Variants in PANX1 observed in about 807,000 individuals in gnomAD.
PANX1 encodes the protein pannexin-1.
Under a neutral mutation model 38.7 loss-of-function variants are expected in PANX1, and 30 were observed. The observed-to-expected ratio is 0.78, with a 90% CI of 0.58 to 1.05. The LOEUF is 1.05. PANX1 is among the 50% of genes least tolerant of loss of function. The pLI, the probability that PANX1 is intolerant of heterozygous loss-of-function variation, is 0.00. For synonymous variants in PANX1, 230 were observed against 212.2 expected (o/e 1.08, Z -0.73); for missense variants, 551 against 517.2 (o/e 1.07, Z -0.63).
intron 1 of PANX1, among the ~76,000 whole-genome samples, chr11:94,149,265 C>T (rs1357247553): frequency 1.3e-5 from 2 of 152,172 alleles, no homozygotes; most frequent in African/African-American, 4.8e-5. Context: ...GCTTGCTCAC[C>T]CCAGCCCCAG....
chr11:94,153,593 A>G lies in PANX1; in HGVS notation c.284A>G (p.Gln95Arg). Residue 95 changes from glutamine to arginine, a missense_variant, in exon 2 of 5, where the codon CAG becomes CGG. Gln to Arg is a conservative substitution (Grantham distance 43). Coordinates refer to ENST00000227638, the MANE Select transcript of PANX1 (RefSeq NM_015368.4). ...GCTGTTCAGCAGAAGAACTCACTGC[A>G]GAGCGAGTCTGGAAACCTCCCACTG... ...WAAVQQKNSLQSESGNLPLWL... is the reference protein window; with the variant it reads ...WAAVQQKNSLRSESGNLPLWL... The G allele has an allele frequency of 6.2e-7, 1 of 1,614,020 alleles. No individual in the cohort carries two copies. Among genetic ancestry groups the G allele is most frequent in the Non-Finnish European group, 8.5e-7 (1 of 1,179,908 alleles).
At chr11:94,159,724 T>G (rs1477345815) in intron 2 of PANX1, among the ~76,000 whole-genome samples, 1 of 152,030 alleles carries the variant, frequency 6.6e-6, no homozygotes, top group African/African-American at 2.4e-5. Context: ...TGTCTCTATT[T>G]CCTTCAGTTC....
chr11:94,131,141 A>G (rs1946625358), intron 1 of PANX1, among the ~76,000 whole-genome samples: 1 of 152,048 alleles, frequency 6.6e-6, no homozygotes, highest in Admixed American at 6.5e-5. Flanking sequence ...ACCCGGGAGT[A>G]AAAGAGGCAT....
At chr11:94,131,509 A>G (rs1374192570) in intron 1 of PANX1, among the ~76,000 whole-genome samples, 1 of 152,196 alleles carries the variant, frequency 6.6e-6, no homozygotes, top group African/African-American at 2.4e-5. Context: ...ATCTGTTAGC[A>G]GGTAAGTCAT....
intron 1 of PANX1, among the ~76,000 whole-genome samples, chr11:94,130,980 A>T (rs1396115357): frequency 1.3e-5 from 2 of 152,148 alleles, no homozygotes; most frequent in Non-Finnish European, 2.9e-5. Context: ...AGTCATCGGG[A>T]TGTTCTTTAA....
chr11:94,169,998 G>A (rs748249320), intron 2 of PANX1, among the ~76,000 whole-genome samples: 13 of 151,622 alleles, frequency 8.6e-5, no homozygotes, highest in Non-Finnish European at 1.5e-4. Context: ...TTCAGTAATC[G>A]CAGCTGCTTT....
rs748732886 is a variant in PANX1 at position 94,178,446 on chromosome 11, T to A, written c.399T>A (p.Pro133=). The change falls in exon 3 of 5, where the codon CCT becomes CCA. Residue 133 remains proline, a synonymous_variant. Transcript: ENST00000227638. ...TGTTCTGGCGTTTCGCAGCTGCTCC[T>A]CATATTTGCTCAGACTTGAAGTTTA... ...PPLFWRFAAA[P]HICSDLKFIM... The A allele has an allele frequency of 1.2e-6, 2 of 1,614,138 alleles. No homozygotes were observed.
intron 1 of PANX1, among the ~76,000 whole-genome samples, chr11:94,143,760 T>A (rs1036120785): frequency 1.3e-5 from 2 of 151,414 alleles, no homozygotes; most frequent in African/African-American, 4.9e-5. Context: ...TTTTTTTTTT[T>A]CTTTTTGAGA....
chr11:94,135,939 T>G (rs188916678), intron 1 of PANX1, among the ~76,000 whole-genome samples: 1 of 152,320 alleles, frequency 6.6e-6, no homozygotes, highest in East Asian at 1.9e-4. Context: ...CCTCACTGTT[T>G]TATAATAGAA....
At chr11:94,158,931 G>A (rs138919265) in intron 2 of PANX1, among the ~76,000 whole-genome samples, 4 of 152,180 alleles carry the variant, frequency 2.6e-5, no homozygotes, top group African/African-American at 7.2e-5. Flanking sequence ...CCATCAATAC[G>A]TAATTTATTG....
intron 1 of PANX1, among the ~76,000 whole-genome samples, chr11:94,143,441 G>A (rs1386496640): frequency 2.0e-5 from 3 of 152,184 alleles, no homozygotes; most frequent in African/African-American, 7.2e-5. Flanking sequence ...TATCTCCAGT[G>A]CTTACCATGT....
intron 1 of PANX1, among the ~76,000 whole-genome samples, chr11:94,133,394 A>G (rs1245801866): frequency 5.3e-5 from 8 of 152,244 alleles, no homozygotes; most frequent in African/African-American, 1.9e-4. Context: ...GGCTGGTGCC[A>G]TGGTCAAGGT....
At chr11:94,137,701 G>GT (rs1378462741) in intron 1 of PANX1, among the ~76,000 whole-genome samples, 1 of 150,434 alleles carries the variant, frequency 6.6e-6, no homozygotes, top group East Asian at 2.0e-4. Context: ...GGACGCTGTT[G>GT]TTTTTTAATA....
rs1947265960 is a variant in PANX1 at position 94,178,674 on chromosome 11, T to A, written c.545+82T>A. 3.7e-6 allele frequency: 4 copies of A among 1,094,494 alleles called. 1 individual carries two copies. The South Asian group carries it at 5.3e-5, about 14-fold the overall frequency. The allele number at this position is 1,094,494 out of a possible 1,614,324, so 67.8% of individuals were successfully genotyped here. A position where few individuals can be genotyped will look rare whatever the true frequency, so the allele number is the denominator to read the frequency against. ...TCTACTGCCAGTCTGGGCCCAGAGT[T>A]CTCATTGCTAGGAGGCGGGGCAGGA... On this transcript the variant is annotated intron_variant, in intron 3 of 4. Coordinates refer to ENST00000227638, the MANE Select transcript of PANX1 (RefSeq NM_015368.4).
At position 94,179,732 on chromosome 11, in the gene PANX1, T is replaced by A; in HGVS notation, c.676T>A (p.Leu226Ile). ...CCTGCTGACACTCATCATTATACTG[T>A]TAGCGTGTATCTACCTGGGCTATTA... ...CRLLTLIIIL[L>I]ACIYLGYYFS... is the part of the protein sequence containing the mutation. The change falls in exon 4 of 5, where the codon TTA becomes ATA. Residue 226 changes from leucine (L) to isoleucine (I), a missense_variant. By Grantham distance (5) the Leu-to-Ile change is conservative (BLOSUM62 2). Coordinates refer to ENST00000227638, the MANE Select transcript of PANX1 (RefSeq NM_015368.4). 1 of 1,614,070 alleles carries A rather than the reference T, an allele frequency of 6.2e-7. No homozygotes were observed. Among genetic ancestry groups the A allele is most frequent in the Non-Finnish European group, 8.5e-7 (1 of 1,179,966 alleles).
chr11:94,174,596 G>C (rs193068095), intron 2 of PANX1, among the ~76,000 whole-genome samples: 2 of 151,764 alleles, frequency 1.3e-5, no homozygotes, highest in African/African-American at 2.4e-5. Flanking sequence ...TTATCAGCTT[G>C]TGTTCCCATC....
In PANX1 at chr11:94,179,864, G is replaced by A. The variant is rs375463776; in HGVS notation, c.808G>A (p.Val270Met). 9 of 1,614,096 alleles carry A rather than the reference G, an allele frequency of 5.6e-6. No individual in the cohort carries two copies. Among genetic ancestry groups the A allele is most frequent in the Admixed American group, 3.3e-5 (2 of 60,022 alleles). ...TCAGTTTCAGTGCAAACTCATTGCC[G>A]TGGGCATCTTCCAGTTGCTCAGTGT... ...PDQFQCKLIAVGIFQLLSVIN... is the reference protein window; with the variant it reads ...PDQFQCKLIAMGIFQLLSVIN... Residue 270 changes from valine to methionine, a missense_variant, in exon 4 of 5, where the codon GTG (valine) becomes ATG (methionine). Val to Met is a conservative substitution (Grantham distance 21, BLOSUM62 1). Coordinates refer to ENST00000227638, the MANE Select transcript of PANX1 (RefSeq NM_015368.4).
intron 2 of PANX1, among the ~76,000 whole-genome samples, chr11:94,156,883 C>T (rs895905387): frequency 6.6e-6 from 1 of 151,964 alleles, no homozygotes; most frequent in African/African-American, 2.4e-5. Context: ...CCACTCCCCC[C>T]ACCCAAAAAC....
chr11:94,168,107 T>C (rs1212215082), intron 2 of PANX1, among the ~76,000 whole-genome samples: 1 of 152,112 alleles, frequency 6.6e-6, no homozygotes, highest in Non-Finnish European at 1.5e-5. Flanking sequence ...CTTCACAATT[T>C]TTTTTCCCTT....
Sources: gnomAD v4.1 joint callset for allele counts (sites outside exome capture counted in the v4.1 genomes callset) on GRCh38, gnomAD v4.1.1 for gene constraint, MANE v1.5 for transcripts, NCBI Gene and HGNC (gene_info 2026-07-23, HGNC 2026-07-21) for gene names.